PCM1: variants seen among roughly 807,000 people sequenced by gnomAD.
PCM1 encodes the protein pericentriolar material 1.
A neutral mutation model predicts 241.9 loss-of-function variants in PCM1; 157 were observed. The ratio of observed to expected loss-of-function variants is 0.65; its 90% CI spans 0.57 to 0.74. The LOEUF (loss-of-function observed/expected upper bound fraction) is 0.74, where lower values mean the gene tolerates loss of function less well. PCM1 is among the 30% of genes least tolerant of loss of function. The pLI is 0.00. For synonymous variants in PCM1, 1,085 were observed against 784.9 expected (o/e 1.38, Z -6.39); for missense variants, 3,478 against 2,360.1 (o/e 1.47, Z -9.81).
At chr8:17,938,508 A>C (rs915105652) in intron 4 of PCM1, among the ~76,000 whole-genome samples, 1 of 152,150 alleles carries the variant, frequency 6.6e-6, no homozygotes, top group African/African-American at 2.4e-5. Flanking sequence ...CCTTGTTCAT[A>C]TTCGTCAGTT....
intron 6 of PCM1, among the ~76,000 whole-genome samples, chr8:17,941,411 T>C (rs865968327): frequency 2.0e-5 from 3 of 152,300 alleles, no homozygotes; most frequent in African/African-American, 4.8e-5. Flanking sequence ...CTGTGTGGTA[T>C]GGTAATTCCG....
intron 26 of PCM1, among the ~76,000 whole-genome samples, chr8:17,987,682 C>A (rs1350460502): frequency 2.0e-5 from 3 of 151,944 alleles, no homozygotes; most frequent in Middle Eastern, 3.4e-3. Flanking sequence ...CTTCCCTTTA[C>A]TAATGCCATT....
chr8:17,982,102 A>T (rs990139380), intron 24 of PCM1, among the ~76,000 whole-genome samples: 1 of 152,188 alleles, frequency 6.6e-6, no homozygotes, highest in Non-Finnish European at 1.5e-5. Flanking sequence ...TTGCATTTTG[A>T]AATGAATTTC....
intron 6 of PCM1, chr8:17,940,145 C>G: frequency 6.5e-7 from 1 of 1,534,408 alleles, no homozygotes; most frequent in Non-Finnish European, 8.8e-7. Context: ...CAGTCTGAGG[C>G]TTCAGATACC....
At chr8:17,987,392 T>G (rs2129477479) in intron 26 of PCM1, among the ~76,000 whole-genome samples, 1 of 151,954 alleles carries the variant, frequency 6.6e-6, no homozygotes, top group South Asian at 2.1e-4. Flanking sequence ...TGCTTTCACT[T>G]TTATCCAAGT....
intron 6 of PCM1, among the ~76,000 whole-genome samples, chr8:17,943,728 A>T (rs1563760097): frequency 6.6e-6 from 1 of 152,134 alleles, no homozygotes; most frequent in Non-Finnish European, 1.5e-5. Context: ...CTTCAGGGGA[A>T]AAAATCTTAA....
intron 8 of PCM1, among the ~76,000 whole-genome samples, chr8:17,951,559 AT>A (rs2066017780): frequency 6.6e-6 from 1 of 152,226 alleles, no homozygotes; most frequent in Non-Finnish European, 1.5e-5. Flanking sequence ...ATAGAGTGAA[AT>A]TCTTTATAGC....
At chr8:17,988,590 T>A (rs966157686) in intron 26 of PCM1, among the ~76,000 whole-genome samples, 5 of 151,880 alleles carry the variant, frequency 3.3e-5, no homozygotes, top group Non-Finnish European at 7.4e-5. Flanking sequence ...CAAAAGATAC[T>A]GTTATGGGAA....
At chr8:18,005,444 T>G (rs2090997494) in intron 29 of PCM1, among the ~76,000 whole-genome samples, 1 of 151,870 alleles carries the variant, frequency 6.6e-6, no homozygotes, top group Non-Finnish European at 1.5e-5. Flanking sequence ...AACATCTAGT[T>G]TGGCACCCTC....
rs1588940402 is a variant in PCM1, at chr8:18,029,408, C to G, written c.*1746C>G. 3 of 197,154 alleles carry G rather than the reference C, an allele frequency of 1.5e-5. No individual in the cohort carries two copies. The highest frequency in any genetic ancestry group is 9.2e-6 in the Non-Finnish European group (1 of 108,356). The allele number at this position is 197,154 out of a possible 1,614,324, so 12.2% of individuals were successfully genotyped here. ...AACAATAAGTTATGTTACATGCACACTCAAATTCTTTATTTTCTCCACTTT... is the reference window on the plus strand; with the variant it reads ...AACAATAAGTTATGTTACATGCACAGTCAAATTCTTTATTTTCTCCACTTT... On this transcript the variant is annotated 3_prime_UTR_variant, in exon 39 of 39. Coordinates refer to ENST00000325083, the MANE Select transcript of PCM1 (RefSeq NM_006197.4).
intron 2 of PCM1, among the ~76,000 whole-genome samples, chr8:17,930,862 A>G (rs1156567501): frequency 6.6e-6 from 1 of 151,636 alleles, no homozygotes; most frequent in East Asian, 1.9e-4. Flanking sequence ...CCTGGGTGAC[A>G]GAGCAAGACT....
At position 17,964,593 on chromosome 8, in the gene PCM1, A is replaced by C. The variant is rs2074078134; in HGVS notation, c.2680A>C (p.Thr894Pro). Residue 894 changes from threonine to proline, a missense_variant, in exon 18 of 39, where the codon ACC becomes CCC. Coordinates refer to ENST00000325083, the MANE Select transcript of PCM1 (RefSeq NM_006197.4). ...EKTMATWGGS[T>P]QCALDEEGDE... ...AACGATGGCAACTTGGGGAGGGTCT[A>C]CCCAGTGTGCACTAGATGAAGAAGG... The C allele has an allele frequency of 3.7e-6, 6 of 1,613,740 alleles. No homozygotes were observed. Among genetic ancestry groups the C allele is most frequent in the Non-Finnish European group, 4.2e-6 (5 of 1,179,764 alleles).
rs767699208 is a variant in PCM1, at chr8:17,957,719, C to T, written c.1984C>T (p.Leu662Phe). The T allele has an allele frequency of 6.2e-7, 1 of 1,613,606 alleles. No individual in the cohort carries two copies. The highest frequency in any genetic ancestry group is 1.1e-5 in the South Asian group (1 of 91,040). ...DAEFEQKINRLMAAKQKLRQL... is the reference protein window; with the variant it reads ...DAEFEQKINRFMAAKQKLRQL... Reference sequence around the variant, plus strand: ...TGAATTTGAACAGAAGATCAACCGACTTATGGCTGCAAAACAGAAACTTAG... The same window carrying T: ...TGAATTTGAACAGAAGATCAACCGATTTATGGCTGCAAAACAGAAACTTAG... The change falls in exon 13 of 39, where the codon CTT becomes TTT. Residue 662 changes from leucine to phenylalanine, a missense_variant. By Grantham distance (22) the Leu-to-Phe change is conservative. Coordinates refer to ENST00000325083, the MANE Select transcript of PCM1 (RefSeq NM_006197.4).
chr8:17,972,278 T>A, intron 22 of PCM1, 51 bp from the exon 23 acceptor site: 1 of 1,090,444 alleles, frequency 9.2e-7, no homozygotes, highest in Non-Finnish European at 1.3e-6. Flanking sequence ...GTATTTGGAG[T>A]TTTTGTAAAC....
rs1187211231 is a variant in PCM1 at position 17,960,673 on chromosome 8, C to T, written c.2322+229C>T. ...CTGAGTAGCTGGGACTTCAGGCACC[C>T]GCCACCATGCCTGGCTAATTTTTTG... On this transcript the variant is annotated intron_variant, in intron 15 of 38. Transcript: ENST00000325083. Among the ~76,000 whole-genome samples the T allele has an allele frequency of 4.6e-5, 7 of 151,740 alleles. No homozygotes were observed. In the South Asian group the frequency reaches 6.3e-4, roughly 14 times the overall value.
At chr8:17,960,483 T>G in intron 15 of PCM1, 39 bp downstream of exon 15, 2 of 1,543,014 alleles carry the variant, frequency 1.3e-6, no homozygotes, top group Non-Finnish European at 1.7e-6. Flanking sequence ...TGAAAAAAGA[T>G]GTTTAAAACC....
chr8:18,006,424 C>G, intron 30 of PCM1, 27 bp downstream of exon 30: 1 of 1,536,636 alleles, frequency 6.5e-7, no homozygotes, highest in Non-Finnish European at 9.0e-7. Flanking sequence ...GTATGATTTA[C>G]CAATATGTAC....
In PCM1 at chr8:17,970,051, T is replaced by A. The variant is rs375665203; in HGVS notation, c.3584+303T>A. Among the ~76,000 whole-genome samples the A allele has an allele frequency of 1.4e-4, 22 of 152,326 alleles. No homozygotes were observed. The East Asian group carries it at 4.0e-3, about 28-fold the overall frequency. Reference sequence around the variant, plus strand: ...TCAATGACTTAGGGCTGGAAACTAATATTAACTGCTAGAAGATAGTTGTTA... The same window carrying A: ...TCAATGACTTAGGGCTGGAAACTAAAATTAACTGCTAGAAGATAGTTGTTA... On this transcript the variant is annotated intron_variant, in intron 22 of 38. Coordinates refer to ENST00000325083, the MANE Select transcript of PCM1 (RefSeq NM_006197.4).
chr8:17,960,527 G>GTTTTTTTTTTTT (rs1371772356), intron 15 of PCM1, 83 bp downstream of exon 15: 76 of 412,860 alleles, frequency 1.8e-4, no homozygotes, highest in South Asian at 1.9e-4. Context: ...TTTTGTTTTT[G>GTTTTTTTTTTTT]TTTTTCTTTT....
Sources: allele counts gnomAD v4.1 joint callset (sites outside exome capture counted in the v4.1 genomes callset), GRCh38; gene constraint gnomAD v4.1.1; transcripts MANE v1.5; gene names NCBI Gene and HGNC (gene_info 2026-07-23, HGNC 2026-07-21).